Variants in TSHB observed in about 807,000 individuals in gnomAD.
The protein encoded by TSHB is thyrotropin subunit beta.
Under a neutral mutation model 9.3 loss-of-function variants are expected in TSHB, and 9 were observed. The ratio of observed to expected loss-of-function variants is 0.97; its 90% CI spans 0.58 to 1.69. The LOEUF is 1.69. Among genes scored for constraint, TSHB ranks in the 40% most tolerant of loss-of-function variants. The pLI, the probability that TSHB is intolerant of heterozygous loss-of-function variation, is 0.00. For missense variants in TSHB, 182 were observed against 168.5 expected (o/e 1.08, Z -0.44); for synonymous variants, 57 against 57.2 (o/e 1.00, Z 0.01).
intron 2 of TSHB, 53 bp from the exon 3 acceptor site, chr1:115,033,920 T>C (rs941065292): frequency 1.3e-6 from 2 of 1,598,992 alleles, no homozygotes; most frequent in Non-Finnish European, 1.7e-6. Flanking sequence ...CTATTATCTA[T>C]ATGTTTCCTA....
intron 2 of TSHB, 185 bp from the exon 3 acceptor site, chr1:115,033,788 G>A: frequency 3.2e-6 from 1 of 311,240 alleles, no homozygotes; most frequent in Non-Finnish European, 4.7e-6. Context: ...AAGAGAGGAG[G>A]GTCTCACTTT....
chr1:115,034,292 G>A lies in TSHB; in HGVS notation c.*65G>A. The A allele has an allele frequency of 2.0e-6, 3 of 1,536,220 alleles. No individual in the cohort carries two copies. Among genetic ancestry groups the A allele is most frequent in the Non-Finnish European group, 2.7e-6 (3 of 1,111,280 alleles). On this transcript the variant is annotated 3_prime_UTR_variant, in exon 3 of 3. Transcript: ENST00000256592. ...GAAATAAAGCTAATAAAAATATTAT[G>A]TTTCACATTATCTTCTGTTCATTTT...
At chr1:115,030,631 A>G (rs546496307) in intron 1 of TSHB, among the ~76,000 whole-genome samples, 1 of 152,096 alleles carries the variant, frequency 6.6e-6, no homozygotes, top group Non-Finnish European at 1.5e-5. Flanking sequence ...ATATATGTCC[A>G]TGCATCTGAA....
rs145180673 is a variant in TSHB at position 115,031,762 on chromosome 1, C to T, written c.-1-1600C>T. On this transcript the variant is annotated intron_variant, in intron 1 of 2. Transcript: ENST00000256592. ...ATAGAGGGAGCTCACATTTGAGAAG[C>T]GCTTGAGAAAGCCAGATTCCATGAG... is the stretch of plus-strand genomic sequence containing the variant. 4.3e-3 allele frequency among the ~76,000 whole-genome samples: 657 copies of T among 152,076 alleles called. 5 individuals carry two copies. The Middle Eastern group carries it at 0.048, about 11-fold the overall frequency.
In TSHB at chr1:115,034,108, G is replaced by A. The variant is rs757061934; in HGVS notation, c.298G>A (p.Ala100Thr). The A allele has an allele frequency of 7.4e-6, 12 of 1,613,742 alleles. No homozygotes were observed. The highest frequency in any genetic ancestry group is 9.3e-6 in the Non-Finnish European group (11 of 1,179,784). ...TGCTCCCTATTTTTCCTATCCTGTT[G>A]CTTTAAGCTGTAAGTGTGGCAAGTG... The part of the protein sequence containing the change: ...HVAPYFSYPV[A>T]LSCKCGKCNT... The change falls in exon 3 of 3, where the codon GCT (alanine) becomes ACT (threonine). Residue 100 changes from alanine to threonine, a missense_variant. By Grantham distance (58) the Ala-to-Thr change is moderately conservative. Coordinates refer to ENST00000256592, the MANE Select transcript of TSHB (RefSeq NM_000549.5).
chr1:115,033,455 C>T lies in TSHB; in HGVS notation c.93C>T (p.Ile31=), dbSNP rs369535357. ...TTCCAACTGAGTATACAATGCACATCGAAAGGAGAGAGTGTGCTTATTGCC... is the reference window on the plus strand; with the variant it reads ...TTCCAACTGAGTATACAATGCACATTGAAAGGAGAGAGTGTGCTTATTGCC... ...FCIPTEYTMH[I]ERRECAYCLT... is the part of the protein sequence containing the mutation. Residue 31 remains isoleucine (I), a synonymous_variant, in exon 2 of 3, where the codon ATC becomes ATT. Coordinates refer to ENST00000256592, the MANE Select transcript of TSHB (RefSeq NM_000549.5). The T allele has an allele frequency of 4.1e-5, 66 of 1,612,774 alleles. No individual in the cohort carries two copies. The African/African-American group carries it at 6.3e-4, about 15-fold the overall frequency.
At chr1:115,033,224 C>A in intron 1 of TSHB, 138 bp from the exon 2 acceptor site, 1 of 804,612 alleles carries the variant, frequency 1.2e-6, no homozygotes, top group Non-Finnish European at 2.0e-6. Flanking sequence ...TTTCTGGTGT[C>A]TTCCTTGACC....
chr1:115,033,821 G>T (rs76845622), intron 2 of TSHB, 152 bp from the exon 3 acceptor site: 66 of 1,097,772 alleles, frequency 6.0e-5, no homozygotes, highest in Non-Finnish European at 8.0e-5. Flanking sequence ...ATTCAACGTG[G>T]TTAAGTTGGT....
chr1:115,033,872 T>G, intron 2 of TSHB, 101 bp from the exon 3 acceptor site: 6 of 1,497,378 alleles, frequency 4.0e-6, no homozygotes, highest in Non-Finnish European at 5.5e-6. Context: ...CAGTTGTATT[T>G]GTGATGAAGG....
At chr1:115,033,334 A>G (rs562763237) in intron 1 of TSHB, 28 bp from the exon 2 acceptor site, 1 of 1,611,422 alleles carries the variant, frequency 6.2e-7, no homozygotes, top group Admixed American at 1.7e-5. Flanking sequence ...TTTAACAAAT[A>G]GGTTCTTTAA....
At chr1:115,030,984 G>T (rs539059949) in intron 1 of TSHB, among the ~76,000 whole-genome samples, 50 of 145,872 alleles carry the variant, frequency 3.4e-4, no homozygotes, top group South Asian at 8.8e-4. Context: ...TCCTTAAGTA[G>T]AATTTAGATC....
At chr1:115,034,305 T>G (rs991845024), downstream of TSHB, 2 of 1,507,022 alleles carry the variant, frequency 1.3e-6, no homozygotes, top group African/African-American at 2.8e-5. Context: ...TCACATTATC[T>G]TCTGTTCATT....
intron 2 of TSHB, 44 bp from the exon 3 acceptor site, chr1:115,033,928 CT>C (rs1674952710): frequency 1.2e-5 from 19 of 1,606,646 alleles, no homozygotes; most frequent in Non-Finnish European, 1.5e-5. Flanking sequence ...TATATGTTTC[CT>C]AAAGTCCTGT....
intron 2 of TSHB, 87 bp from the exon 3 acceptor site, chr1:115,033,886 A>G (rs900600168): frequency 6.5e-7 from 1 of 1,538,696 alleles, no homozygotes. Flanking sequence ...ATGAAGGAAT[A>G]TAAGTGAATT....
chr1:115,031,450 G>T (rs1319825796), intron 1 of TSHB, among the ~76,000 whole-genome samples: 3 of 151,952 alleles, frequency 2.0e-5, no homozygotes, highest in African/African-American at 4.8e-5. Flanking sequence ...TTTTAGTCAA[G>T]TTCTCATAGA....
In TSHB at chr1:115,033,456, G is replaced by C. The variant is rs121918669; in HGVS notation, c.94G>C (p.Glu32Gln). 8 of 1,612,826 alleles carry C rather than the reference G, an allele frequency of 5.0e-6. No homozygotes were observed. The highest frequency in any genetic ancestry group is 6.8e-6 in the Non-Finnish European group (8 of 1,179,010). ...CIPTEYTMHI[E>Q]RRECAYCLTI... ...TCCAACTGAGTATACAATGCACATC[G>C]AAAGGAGAGAGTGTGCTTATTGCCT... Residue 32 changes from glutamate (E) to glutamine (Q), a missense_variant, in exon 2 of 3, where the codon GAA becomes CAA. By Grantham distance (29) the Glu-to-Gln change is conservative. Transcript: ENST00000256592.
chr1:115,032,557 A>G (rs1372798248), intron 1 of TSHB, among the ~76,000 whole-genome samples: 2 of 152,070 alleles, frequency 1.3e-5, no homozygotes, highest in East Asian at 1.9e-4. Context: ...TGAGAAGGAA[A>G]AAAATCCAAA....
At chr1:115,032,327 A>T (rs1409641065) in intron 1 of TSHB, among the ~76,000 whole-genome samples, 5 of 152,004 alleles carry the variant, frequency 3.3e-5, no homozygotes, top group Non-Finnish European at 7.4e-5. Flanking sequence ...ACCAAGGCCG[A>T]ACCTATGAGG....
chr1:115,034,041 C>A lies in TSHB; in HGVS notation c.231C>A (p.Phe77Leu), dbSNP rs758272745. 2 of 1,613,822 alleles carry A rather than the reference C, an allele frequency of 1.2e-6. No individual in the cohort carries two copies. Among genetic ancestry groups the A allele is most frequent in the East Asian group, 2.2e-5 (1 of 44,870 alleles). The stretch of plus-strand genomic sequence containing the variant: ...AGGATGTTTGCACATATAGAGACTT[C>A]ATCTACAGGACTGTAGAAATACCAG... ...LSQDVCTYRDFIYRTVEIPGC... is the reference protein window; with the variant it reads ...LSQDVCTYRDLIYRTVEIPGC... Residue 77 changes from phenylalanine (F) to leucine (L), a missense_variant, in exon 3 of 3, where the codon TTC (phenylalanine) becomes TTA (leucine). By Grantham distance (22) the Phe-to-Leu change is conservative. Coordinates refer to ENST00000256592, the MANE Select transcript of TSHB (RefSeq NM_000549.5).
Sources: gnomAD v4.1 joint callset for allele counts (sites outside exome capture counted in the v4.1 genomes callset) on GRCh38, gnomAD v4.1.1 for gene constraint, MANE v1.5 for transcripts, NCBI Gene and HGNC (gene_info 2026-07-23, HGNC 2026-07-21) for gene names.